NTM: variants seen among roughly 807,000 people sequenced by gnomAD.
The protein encoded by NTM is IgLON family member 2.
A neutral mutation model predicts 42.1 loss-of-function variants in NTM; 13 were observed. The observed-to-expected ratio is 0.31, with a 90% confidence interval of 0.20 to 0.49. The LOEUF is 0.49. Ranked by LOEUF, NTM falls within the 20% of genes least tolerant of loss-of-function variation. NTM has a pLI of 0.99. For synonymous variants in NTM, 187 were observed against 179.2 expected (o/e 1.04, Z -0.35); for missense variants, 373 against 452.8 (o/e 0.82, Z 1.60).
rs561127550 is a variant in NTM, at chr11:131,485,396, T to C, written c.82+114508T>C. On this transcript the variant is annotated intron_variant, in intron 1 of 8. Coordinates refer to ENST00000683400, the MANE Select transcript of NTM (RefSeq NM_001352005.2). ...GCCAGCTACCACAGCAGGCATTTTG[T>C]ATAGATTATTTTGCAGGTGTGTGTG... 3.9e-5 allele frequency among the ~76,000 whole-genome samples: 6 copies of C among 152,192 alleles called. No individual in the cohort carries two copies. The South Asian group carries it at 6.2e-4, about 16-fold the overall frequency.
chr11:131,926,202 C>T (rs188055734), intron 2 of NTM, among the ~76,000 whole-genome samples: 1 of 152,290 alleles, frequency 6.6e-6, no homozygotes, highest in East Asian at 1.9e-4. Context: ...ACTAGAGTCC[C>T]TGGCTGAGTA....
At chr11:131,426,351 C>A (rs1458760764) in intron 1 of NTM, among the ~76,000 whole-genome samples, 1 of 152,066 alleles carries the variant, frequency 6.6e-6, no homozygotes, top group Non-Finnish European at 1.5e-5. Context: ...GGTTAAGAGC[C>A]ATGGGAAGCC....
chr11:132,196,732 TAGACACAAAGAA>T (rs957562967), intron 3 of NTM, among the ~76,000 whole-genome samples: 7 of 151,984 alleles, frequency 4.6e-5, no homozygotes, highest in African/African-American at 1.7e-4. Flanking sequence ...TGAATACACA[TAGACACAAAGAA>T]GGAAACAATA....
At chr11:131,540,915 A>G (rs999103136) in intron 1 of NTM, 1 of 152,202 alleles carries the variant, frequency 6.6e-6, no homozygotes, top group Admixed American at 6.5e-5. Flanking sequence ...GGGATTCATG[A>G]TCTCACAATC....
chr11:131,692,962 GT>G (rs1182188880), intron 1 of NTM, among the ~76,000 whole-genome samples: 11 of 152,028 alleles, frequency 7.2e-5, no homozygotes, highest in Non-Finnish European at 1.2e-4. Flanking sequence ...GGGATTCTGG[GT>G]TTTACATTGT....
chr11:131,527,644 T>A (rs2050691308), intron 1 of NTM, among the ~76,000 whole-genome samples: 1 of 152,234 alleles, frequency 6.6e-6, no homozygotes, highest in Non-Finnish European at 1.5e-5. Context: ...ATTTCTTTCT[T>A]TCCTGCTATT....
Position 131,476,234 on chromosome 11 carries a change from T to A in NTM, c.82+105346T>A, listed in dbSNP as rs73588744. Among the ~76,000 whole-genome samples, 945 of 152,316 alleles carry A rather than the reference T, an allele frequency of 6.2e-3. 10 individuals are homozygous for A. Among genetic ancestry groups the A allele is most frequent in the African/African-American group, 0.022 (903 of 41,566 alleles). Reference sequence around the variant, plus strand: ...TTCATAATCCATTCTCCACTAAGGTTAGGGAGCACTCTTCCATGCTATCTA... The same window carrying A: ...TTCATAATCCATTCTCCACTAAGGTAAGGGAGCACTCTTCCATGCTATCTA... On this transcript the variant is annotated intron_variant, in intron 1 of 8. Transcript: ENST00000683400.
chr11:132,094,827 C>T (rs962457431), intron 2 of NTM, among the ~76,000 whole-genome samples: 3 of 152,072 alleles, frequency 2.0e-5, no homozygotes, highest in African/African-American at 7.2e-5. Context: ...ATGTGTGCAT[C>T]AGTGTGTATG....
chr11:131,511,815 C>T (rs2048289873), intron 1 of NTM, among the ~76,000 whole-genome samples: 1 of 152,160 alleles, frequency 6.6e-6, no homozygotes. Flanking sequence ...ACAAATGGGG[C>T]ATTTGCTCAA....
intron 4 of NTM, among the ~76,000 whole-genome samples, chr11:132,215,073 A>T (rs2083551771): frequency 6.6e-6 from 1 of 152,216 alleles, no homozygotes; most frequent in African/African-American, 2.4e-5. Context: ...TTTCCCCAGT[A>T]GTATTTCCTA....
intron 1 of NTM, among the ~76,000 whole-genome samples, chr11:131,857,534 T>G (rs2046221035): frequency 6.6e-6 from 1 of 152,162 alleles, no homozygotes; most frequent in Non-Finnish European, 1.5e-5. Context: ...GCATTACTCC[T>G]TGCTGCTAGT....
At chr11:131,495,939 A>G (rs1163662478) in intron 1 of NTM, among the ~76,000 whole-genome samples, 1 of 152,220 alleles carries the variant, frequency 6.6e-6, no homozygotes, top group Non-Finnish European at 1.5e-5. Flanking sequence ...TATCAAAAGG[A>G]TGTTGAGGGT....
At chr11:131,787,268 T>C (rs2136064892) in intron 1 of NTM, among the ~76,000 whole-genome samples, 1 of 151,244 alleles carries the variant, frequency 6.6e-6, no homozygotes, top group South Asian at 2.1e-4. Flanking sequence ...CTATTACTAA[T>C]ATTTAAATGA....
chr11:131,502,598 G>A lies in NTM; in HGVS notation c.82+131710G>A, dbSNP rs1042974185. ...CGGGGCCCATGCTGCTGCATTCCCCGGCGTCTCTGGCATCCTGACCCACAC... is the reference window on the plus strand; with the variant it reads ...CGGGGCCCATGCTGCTGCATTCCCCAGCGTCTCTGGCATCCTGACCCACAC... On this transcript the variant is annotated intron_variant, in intron 1 of 8. Transcript: ENST00000683400. 2.6e-5 allele frequency among the ~76,000 whole-genome samples: 4 copies of A among 152,050 alleles called. 1 individual carries two copies. Among genetic ancestry groups the A allele is most frequent in the Admixed American group, 2.0e-4 (3 of 15,270 alleles).
chr11:131,823,452 C>G (rs890797325), intron 1 of NTM, among the ~76,000 whole-genome samples: 2 of 152,178 alleles, frequency 1.3e-5, no homozygotes, highest in Admixed American at 6.5e-5. Context: ...AGACGCGGCT[C>G]AGACCCTGGT....
At chr11:131,585,611 A>ATCTGCATCAGTGATTGCAGAC (rs1220365045) in intron 1 of NTM, among the ~76,000 whole-genome samples, 1 of 152,202 alleles carries the variant, frequency 6.6e-6, no homozygotes, top group Non-Finnish European at 1.5e-5. Context: ...AGAATCACTG[A>ATCTGCATCAGTGATTGCAGAC]TGCCCAGAGT....
chr11:132,010,843 G>T (rs1483368116), intron 2 of NTM, among the ~76,000 whole-genome samples: 1 of 151,968 alleles, frequency 6.6e-6, no homozygotes, highest in Non-Finnish European at 1.5e-5. Context: ...TTCCCTGATG[G>T]AAGTATCATT....
intron 1 of NTM, among the ~76,000 whole-genome samples, chr11:131,891,506 G>A (rs939392224): frequency 6.6e-6 from 1 of 152,094 alleles, no homozygotes. Flanking sequence ...CACATTTCAC[G>A]GGGCCACACG....
chr11:132,035,573 A>G (rs1451459975), intron 2 of NTM, among the ~76,000 whole-genome samples: 1 of 152,170 alleles, frequency 6.6e-6, no homozygotes, highest in Non-Finnish European at 1.5e-5. Flanking sequence ...GATGTTTCAA[A>G]GGTCTGCAGA....
Sources: allele counts gnomAD v4.1 joint callset (sites outside exome capture counted in the v4.1 genomes callset), GRCh38; gene constraint gnomAD v4.1.1; transcripts MANE v1.5; gene names NCBI Gene and HGNC (gene_info 2026-07-23, HGNC 2026-07-21).